TENM3: variants seen among roughly 807,000 people sequenced by gnomAD.
The protein encoded by TENM3 is teneurin transmembrane protein 3, also known as teneurin-3.
In TENM3, 63 loss-of-function variants were observed where a neutral mutation model predicts 255.1. That is an observed-to-expected ratio of 0.25 (90% confidence interval 0.20 to 0.30). The LOEUF (loss-of-function observed/expected upper bound fraction) is 0.30. TENM3 is among the 10% of genes least tolerant of loss of function. TENM3 has a pLI of 1.00. For synonymous variants in TENM3, 1,306 were observed against 1,322.3 expected (o/e 0.99, Z 0.27); for missense variants, 2,929 against 3,461.1 (o/e 0.85, Z 3.86).
At chr4:181,729,894 G>A in the TENM3 span, among the ~76,000 whole-genome samples, 5 of 152,200 alleles carry the variant, frequency 3.3e-5, no homozygotes, top group African/African-American at 1.2e-4. Context: ...CACGATGTCT[G>A]AGAGAAGCTG....
At chr4:182,057,703 A>G in the TENM3 span, among the ~76,000 whole-genome samples, 2 of 151,988 alleles carry the variant, frequency 1.3e-5, no homozygotes, top group Non-Finnish European at 2.9e-5. Context: ...ACTGGGCCCC[A>G]AATCGTTCAT....
At chr4:182,009,175 G>A in the TENM3 span, among the ~76,000 whole-genome samples, 1 of 152,232 alleles carries the variant, frequency 6.6e-6, no homozygotes, top group East Asian at 1.9e-4. Flanking sequence ...CTCCTGTATA[G>A]GGTGTCTGAC....
chr4:182,458,267 G>T (rs1774028800), intron 3 of TENM3, among the ~76,000 whole-genome samples: 1 of 152,078 alleles, frequency 6.6e-6, no homozygotes, highest in Admixed American at 6.5e-5. Context: ...CCCATTGAAT[G>T]GCTTGTTTAT....
chr4:181,669,321 C>T, the TENM3 span, among the ~76,000 whole-genome samples: 1 of 152,002 alleles, frequency 6.6e-6, no homozygotes, highest in South Asian at 2.1e-4. Context: ...GAAGGGATTC[C>T]CAGAGAGGTT....
the TENM3 span, among the ~76,000 whole-genome samples, chr4:181,924,480 C>T: frequency 6.6e-6 from 1 of 152,010 alleles, no homozygotes; most frequent in South Asian, 2.1e-4. Flanking sequence ...CATGACTTCC[C>T]CTGGTTGGGT....
the TENM3 span, among the ~76,000 whole-genome samples, chr4:181,743,685 G>C: frequency 1.3e-5 from 2 of 152,066 alleles, no homozygotes; most frequent in Non-Finnish European, 2.9e-5. Flanking sequence ...ACTCAGAAAA[G>C]GGGGGGCCAC....
the TENM3 span, among the ~76,000 whole-genome samples, chr4:182,098,956 TTTTTTTC>T: frequency 8.5e-6 from 1 of 117,922 alleles, no homozygotes; most frequent in East Asian, 2.2e-4. Context: ...TGCACAACTC[TTTTTTTC>T]TTTTTTTTTT....
chr4:181,514,614 TG>T, the TENM3 span, among the ~76,000 whole-genome samples: 2 of 152,174 alleles, frequency 1.3e-5, no homozygotes, highest in Non-Finnish European at 2.9e-5. Flanking sequence ...TGAGGCAGTG[TG>T]CGAAGGTGTG....
chr4:182,242,798 T>C (rs938430246), upstream of TENM3, among the ~76,000 whole-genome samples: 2 of 152,196 alleles, frequency 1.3e-5, no homozygotes, highest in African/African-American at 4.8e-5. Flanking sequence ...CCTGATTGCT[T>C]TCTCTGAACT....
the TENM3 span, among the ~76,000 whole-genome samples, chr4:181,447,674 G>T: frequency 6.6e-6 from 1 of 152,066 alleles, no homozygotes. Context: ...CTTTGCCTTG[G>T]CAGAGCCAGC....
At chr4:182,146,259 G>A (rs1420044372) in intron 1 of TENM3, among the ~76,000 whole-genome samples, 1 of 152,096 alleles carries the variant, frequency 6.6e-6, no homozygotes, top group Non-Finnish European at 1.5e-5. Flanking sequence ...AAAACTTCGA[G>A]CATGTATATC....
intron 1 of TENM3, among the ~76,000 whole-genome samples, chr4:182,233,198 T>C (rs370581390): frequency 3.2e-4 from 49 of 152,184 alleles, no homozygotes; most frequent in African/African-American, 9.4e-4. Flanking sequence ...CAAACAGCGG[T>C]GAGGGAATGA....
At chr4:182,591,842 T>C (rs1233746248) in intron 3 of TENM3, among the ~76,000 whole-genome samples, 1 of 152,166 alleles carries the variant, frequency 6.6e-6, no homozygotes, top group Admixed American at 6.5e-5. Context: ...AGGGGCTGGA[T>C]TGGAAAACGA....
At chr4:182,473,512 A>G (rs7697869) in intron 3 of TENM3, among the ~76,000 whole-genome samples, 66,452 of 151,938 alleles carry the variant, frequency 0.44, 15,556 homozygotes, top group East Asian at 0.74. Flanking sequence ...TCTCTACTAA[A>G]AATACAAAAA....
At chr4:182,364,986 C>G (rs1766326321) in intron 3 of TENM3, among the ~76,000 whole-genome samples, 1 of 152,180 alleles carries the variant, frequency 6.6e-6, no homozygotes, top group Admixed American at 6.5e-5. Flanking sequence ...TTGATACACT[C>G]TGTCAAAAGT....
chr4:182,069,733 A>C, the TENM3 span, among the ~76,000 whole-genome samples: 3 of 151,768 alleles, frequency 2.0e-5, no homozygotes, highest in Non-Finnish European at 4.4e-5. Flanking sequence ...TCTTGCACAC[A>C]CAAGAGATCA....
chr4:182,614,371 A>T (rs181632481), intron 4 of TENM3, among the ~76,000 whole-genome samples: 12 of 152,192 alleles, frequency 7.9e-5, no homozygotes, highest in African/African-American at 2.7e-4. Context: ...GAAAATTCAC[A>T]TACATAGACA....
At chr4:182,602,189 C>T (rs1747954154) in intron 4 of TENM3, among the ~76,000 whole-genome samples, 1 of 152,228 alleles carries the variant, frequency 6.6e-6, no homozygotes, top group Admixed American at 6.5e-5. Context: ...CTGTTGGCAG[C>T]TTTGCGGGGA....
At chr4:181,940,014 G>T in the TENM3 span, among the ~76,000 whole-genome samples, 25 of 152,186 alleles carry the variant, frequency 1.6e-4, no homozygotes, top group African/African-American at 5.8e-4. Context: ...AAGCAGAAAT[G>T]CACGCTTTAT....
Sources: gnomAD v4.1 joint callset for allele counts (sites outside exome capture counted in the v4.1 genomes callset) on GRCh38, gnomAD v4.1.1 for gene constraint, MANE v1.5 for transcripts, NCBI Gene and HGNC (gene_info 2026-07-23, HGNC 2026-07-21) for gene names.